Variants in PKHD1 observed in about 807,000 individuals in gnomAD.
PKHD1 encodes PKHD1 ciliary IPT domain containing fibrocystin/polyductin.
A neutral mutation model predicts 412.0 loss-of-function variants in PKHD1; 291 were observed. The ratio of observed to expected loss-of-function variants is 0.71; its 90% CI spans 0.64 to 0.78. The LOEUF (loss-of-function observed/expected upper bound fraction) is 0.78, where lower values mean the gene tolerates loss of function less well. Among genes scored for constraint, PKHD1 ranks in the 30% least tolerant of loss-of-function variants. The probability of loss-of-function intolerance (pLI) is 0.00; values close to 1 mark genes in which losing one functional copy is unlikely to be tolerated. For synonymous variants in PKHD1, 1,777 were observed against 1,821.5 expected (o/e 0.98, Z 0.62); for missense variants, 4,825 against 4,950.7 (o/e 0.97, Z 0.76).
chr6:51,816,271 GTCA>G (rs1372351419), intron 52 of PKHD1, among the ~76,000 whole-genome samples: 1 of 152,146 alleles, frequency 6.6e-6, no homozygotes, highest in Non-Finnish European at 1.5e-5. Context: ...TCTTCAGTAA[GTCA>G]TCATTCAAAC....
chr6:52,010,286 C>G (rs1191788897), intron 35 of PKHD1, 23 bp downstream of exon 35: 1 of 1,606,430 alleles, frequency 6.2e-7, no homozygotes, highest in East Asian at 2.2e-5. Flanking sequence ...TTGAATCAGT[C>G]TGTAAAAAAG....
rs538402466 is a variant in PKHD1 at position 52,085,016 on chromosome 6, T to C, written c.-83A>G. On this transcript the variant is annotated splice_region_variant and 5_prime_UTR_variant, in exon 2 of 67. Coordinates refer to ENST00000371117, the MANE Select transcript of PKHD1 (RefSeq NM_138694.4). ...TTTGATTGGAGCAGCATAGCTTTTG[T>C]GCTTTATAAAAACAAAAAAAGCAAA... The C allele has an allele frequency of 1.0e-4, 97 of 961,298 alleles. No homozygotes were observed. In the African/African-American group the frequency reaches 1.3e-3, roughly 13 times the overall value. The allele number at this position is 961,298 out of a possible 1,614,324, so 59.5% of individuals were successfully genotyped here.
intron 35 of PKHD1, among the ~76,000 whole-genome samples, chr6:51,977,796 G>A (rs1335383959): frequency 6.6e-6 from 1 of 152,200 alleles, no homozygotes; most frequent in Non-Finnish European, 1.5e-5. Flanking sequence ...AGACTGGCTG[G>A]AGCTGCCCTT....
chr6:51,788,952 GT>G (rs1793313424), intron 53 of PKHD1, among the ~76,000 whole-genome samples: 1 of 152,118 alleles, frequency 6.6e-6, no homozygotes, highest in Non-Finnish European at 1.5e-5. Context: ...CTTGCTTAAG[GT>G]CAAACAGCCA....
At position 51,805,020 on chromosome 6, in the gene PKHD1, C is replaced by G. The variant is rs968821050; in HGVS notation, c.8303-13647G>C. ...GAACTACCATTAAAACCAGCAATCA[C>G]CTTACTGGGTATATATCCAAAGGAA... On this transcript the variant is annotated intron_variant, in intron 52 of 66. Transcript: ENST00000371117. 2.0e-5 allele frequency among the ~76,000 whole-genome samples: 3 copies of G among 152,114 alleles called. 1 individual carries two copies. Among genetic ancestry groups the G allele is most frequent in the African/African-American group, 7.2e-5 (3 of 41,430 alleles).
At chr6:51,860,791 TTTTTA>T (rs1480076462) in intron 48 of PKHD1, among the ~76,000 whole-genome samples, 1 of 152,072 alleles carries the variant, frequency 6.6e-6, no homozygotes, top group Non-Finnish European at 1.5e-5. Context: ...TGTTTGTTCT[TTTTTA>T]TTTTATTTTT....
intron 48 of PKHD1, among the ~76,000 whole-genome samples, chr6:51,863,590 G>C (rs1390947083): frequency 2.6e-5 from 4 of 152,138 alleles, no homozygotes; most frequent in Non-Finnish European, 4.4e-5. Context: ...GGGTAGAGAG[G>C]GGTTGGATAG....
In PKHD1 at chr6:51,840,450, T is replaced by A. The variant is rs147017516; in HGVS notation, c.8108-3981A>T. On this transcript the variant is annotated intron_variant, in intron 50 of 66. Transcript: ENST00000371117. ...CTTGATCAAGACACCAACACATATA[T>A]CTGCATTAGCCACAATCCTGAAAGT... Among the ~76,000 whole-genome samples the A allele has an allele frequency of 1.1e-3, 175 of 152,248 alleles. 1 individual carries two copies. The highest frequency in any genetic ancestry group is 3.4e-3 in the Middle Eastern group (1 of 294).
chr6:51,745,694 A>T (rs1785102049), intron 59 of PKHD1, among the ~76,000 whole-genome samples: 1 of 152,112 alleles, frequency 6.6e-6, no homozygotes, highest in African/African-American at 2.4e-5. Context: ...ACACAGTGAG[A>T]CCCCATCTCC....
intron 16 of PKHD1, among the ~76,000 whole-genome samples, 196 bp downstream of exon 16, chr6:52,058,127 G>A (rs1364629660): frequency 6.6e-6 from 1 of 152,186 alleles, no homozygotes; most frequent in Non-Finnish European, 1.5e-5. Flanking sequence ...CTAACTCAAT[G>A]AGTAAGATAA....
intron 36 of PKHD1, among the ~76,000 whole-genome samples, chr6:51,957,280 T>C (rs1583560211): frequency 6.6e-6 from 1 of 151,932 alleles, no homozygotes; most frequent in Non-Finnish European, 1.5e-5. Context: ...GAAGGGAAAA[T>C]AGGGTGTAGT....
chr6:51,970,707 G>A (rs560461951), intron 35 of PKHD1, among the ~76,000 whole-genome samples: 6 of 152,268 alleles, frequency 3.9e-5, no homozygotes, highest in Admixed American at 3.3e-4. Flanking sequence ...CGAGTAGGGT[G>A]ACTTTTCCCC....
At chr6:52,055,181 GAGAT>G (rs1406258192) in intron 19 of PKHD1, among the ~76,000 whole-genome samples, 3 of 152,286 alleles carry the variant, frequency 2.0e-5, no homozygotes, top group South Asian at 2.1e-4. Flanking sequence ...ACAGTCCTGA[GAGAT>G]AGACCACATT....
chr6:51,686,771 A>T (rs1562101047), intron 60 of PKHD1, among the ~76,000 whole-genome samples: 1 of 152,186 alleles, frequency 6.6e-6, no homozygotes, highest in Non-Finnish European at 1.5e-5. Flanking sequence ...TAAATTGAAT[A>T]AACTTAATGC....
chr6:51,657,130 A>T (rs1238417046), intron 61 of PKHD1, among the ~76,000 whole-genome samples: 1 of 151,776 alleles, frequency 6.6e-6, no homozygotes, highest in African/African-American at 2.4e-5. Flanking sequence ...TAAAAAAAAA[A>T]AAAAGAAAGA....
chr6:51,850,079 A>C (rs1771918664), intron 49 of PKHD1, among the ~76,000 whole-genome samples: 1 of 152,154 alleles, frequency 6.6e-6, no homozygotes, highest in Non-Finnish European at 1.5e-5. Flanking sequence ...TATAACGTGT[A>C]AGGAAGAGGT....
intron 48 of PKHD1, 49 bp downstream of exon 48, chr6:51,867,814 C>T (rs1250923926): frequency 1.3e-6 from 2 of 1,553,792 alleles, no homozygotes; most frequent in Non-Finnish European, 1.8e-6. Context: ...GCCAGAATAA[C>T]AGATGCATGC....
At chr6:51,736,842 A>G (rs1783916469) in intron 60 of PKHD1, among the ~76,000 whole-genome samples, 1 of 152,184 alleles carries the variant, frequency 6.6e-6, no homozygotes, top group Admixed American at 6.5e-5. Context: ...AGAGAAGCCT[A>G]GAAACCTTAA....
At chr6:51,902,359 T>A (rs149246187) in intron 43 of PKHD1, among the ~76,000 whole-genome samples, 10 of 152,114 alleles carry the variant, frequency 6.6e-5, no homozygotes, top group Admixed American at 1.3e-4. Flanking sequence ...GACCAACAAG[T>A]TAAATGCAGC....
Sources: gnomAD v4.1 joint callset for allele counts (sites outside exome capture counted in the v4.1 genomes callset) on GRCh38, gnomAD v4.1.1 for gene constraint, MANE v1.5 for transcripts, NCBI Gene and HGNC (gene_info 2026-07-23, HGNC 2026-07-21) for gene names.